IQSEC3: variants seen among roughly 807,000 people sequenced by gnomAD.
The protein encoded by IQSEC3 is IQ motif and Sec7 domain ArfGEF 3.
In IQSEC3, 50 loss-of-function variants were observed where a neutral mutation model predicts 105.4. The ratio of observed to expected loss-of-function variants is 0.47; its 90% CI spans 0.38 to 0.60. The LOEUF (loss-of-function observed/expected upper bound fraction) is 0.60, where lower values mean the gene tolerates loss of function less well. Ranked by LOEUF, IQSEC3 falls within the 20% of genes least tolerant of loss-of-function variation. IQSEC3 has a pLI of 0.00. For missense variants in IQSEC3, 1,415 were observed against 1,630.0 expected (o/e 0.87, Z 2.27); for synonymous variants, 708 against 746.0 (o/e 0.95, Z 0.83).
At chr12:103,687 GTAGGTGGGGGCTCA>G (rs1565397390) in intron 2 of IQSEC3, among the ~76,000 whole-genome samples, 7 of 32,178 alleles carry the variant, frequency 2.2e-4, no homozygotes, top group Non-Finnish European at 2.8e-4. Context: ...GGGCTCAGGG[GTAGGTGGGGGCTCA>G]GGAGGGGAGG....
At chr12:156,366 C>T (rs1866685224) in intron 5 of IQSEC3, among the ~76,000 whole-genome samples, 1 of 152,170 alleles carries the variant, frequency 6.6e-6, no homozygotes, top group African/African-American at 2.4e-5. Flanking sequence ...AGAATCTGAC[C>T]CTGCGTGTCA....
At chr12:119,878 G>A (rs1469073725) in intron 2 of IQSEC3, among the ~76,000 whole-genome samples, 1 of 152,188 alleles carries the variant, frequency 6.6e-6, no homozygotes, top group Non-Finnish European at 1.5e-5. Flanking sequence ...ACAGCTAAAG[G>A]CACTCTCCAC....
At chr12:161,882 C>G in intron 7 of IQSEC3, 44 bp from the exon 8 acceptor site, 1 of 1,471,428 alleles carries the variant, frequency 6.8e-7, no homozygotes, top group Non-Finnish European at 9.2e-7. Flanking sequence ...CTGACACCCT[C>G]CCTCCCAACC....
At position 152,588 on chromosome 12, in the gene IQSEC3, C is replaced by T. The variant is rs1730965613; in HGVS notation, c.2154-4437C>T. ...TAATGGTACAATGGTTCATATTGCA[C>T]AAGCTTGAGAAGATGAGGTCATTGC... On this transcript the variant is annotated intron_variant, in intron 5 of 13. Coordinates refer to ENST00000538872, the MANE Select transcript of IQSEC3 (RefSeq NM_001170738.2). This position sits in a 1 kb window ranked among gnomAD's most constrained non-coding sequence, Gnocchi z 4.8. Among the ~76,000 whole-genome samples, 2 of 152,164 alleles carry T rather than the reference C, an allele frequency of 1.3e-5. No individual in the cohort carries two copies. Among genetic ancestry groups the T allele is most frequent in the African/African-American group, 4.8e-5 (2 of 41,434 alleles).
At chr12:168,267 T>TA (rs1412069648) in intron 11 of IQSEC3, among the ~76,000 whole-genome samples, 6 of 152,148 alleles carry the variant, frequency 3.9e-5, no homozygotes, top group Non-Finnish European at 2.9e-5. Flanking sequence ...TGAGAGGAAT[T>TA]AAAGTTGAGT....
At chr12:170,791 G>A (rs1377744151) in intron 12 of IQSEC3, among the ~76,000 whole-genome samples, 6 of 152,240 alleles carry the variant, frequency 3.9e-5, no homozygotes, top group Admixed American at 2.6e-4. Flanking sequence ...GCTGATGAAC[G>A]TGGCGCCCAC....
Position 120,365 on chromosome 12 carries a change from C to T in IQSEC3, c.624-5268C>T, listed in dbSNP as rs868958260. 6.6e-5 allele frequency among the ~76,000 whole-genome samples: 10 copies of T among 151,854 alleles called. No homozygotes were observed. In the South Asian group the frequency reaches 1.3e-3, roughly 19 times the overall value. On this transcript the variant is annotated intron_variant, in intron 2 of 13. Coordinates refer to ENST00000538872, the MANE Select transcript of IQSEC3 (RefSeq NM_001170738.2). ...GATCTGGCAAAAGTATCAGTGTGGA[C>T]GGAGTGGACAGGTCACTCGGTGGGG...
chr12:165,923 G>T, intron 11 of IQSEC3, 33 bp downstream of exon 11: 1 of 1,604,698 alleles, frequency 6.2e-7, no homozygotes, highest in South Asian at 1.1e-5. Context: ...CAGCTGGTGG[G>T]GGTTCCCATT....
chr12:142,242 G>T (rs1866061022), intron 5 of IQSEC3: 1 of 152,258 alleles, frequency 6.6e-6, no homozygotes, highest in African/African-American at 2.4e-5. Context: ...GCCAGAGAGG[G>T]TTTGGACGCT....
chr12:93,725 C>A (rs1238770481), intron 1 of IQSEC3, among the ~76,000 whole-genome samples: 2 of 152,170 alleles, frequency 1.3e-5, no homozygotes, highest in African/African-American at 2.4e-5. Context: ...GAAATTCAGT[C>A]CCAGAGTTGG....
intron 2 of IQSEC3, among the ~76,000 whole-genome samples, chr12:120,056 T>G (rs917337315): frequency 6.6e-6 from 1 of 152,204 alleles, no homozygotes; most frequent in African/African-American, 2.4e-5. Flanking sequence ...ACACATCTTA[T>G]GAGCCAACCA....
chr12:163,059 G>C (rs1475360672), intron 8 of IQSEC3, among the ~76,000 whole-genome samples: 1 of 152,052 alleles, frequency 6.6e-6, no homozygotes, highest in African/African-American at 2.4e-5. Context: ...GGGACAGGGG[G>C]TGAACGTGCG....
intron 9 of IQSEC3, 188 bp from the exon 10 acceptor site, chr12:165,246 G>A: frequency 1.6e-6 from 1 of 612,438 alleles, no homozygotes; most frequent in South Asian, 1.9e-5. Context: ...AATAACCACT[G>A]TAGGGTTTTG....
rs1329531368 is a variant in IQSEC3 at position 152,208 on chromosome 12, G to A, written c.2154-4817G>A. Reference sequence around the variant, plus strand: ...GGGGAAGGCAGGAGGTCAGCGATATGGACCCTGCTGTGGGCTCCAGGTGCC... The same window carrying A: ...GGGGAAGGCAGGAGGTCAGCGATATAGACCCTGCTGTGGGCTCCAGGTGCC... On this transcript the variant is annotated intron_variant, in intron 5 of 13. Transcript: ENST00000538872. This position sits in a 1 kb window ranked among gnomAD's most constrained non-coding sequence, Gnocchi z 4.8. Among the ~76,000 whole-genome samples the A allele has an allele frequency of 6.6e-6, 1 of 152,220 alleles. No homozygotes were observed. Among genetic ancestry groups the A allele is most frequent in the Non-Finnish European group, 1.5e-5 (1 of 68,036 alleles).
rs1555096423 is a variant in IQSEC3 at position 162,048 on chromosome 12, A to G, written c.2566A>G (p.Ile856Val). ...GTACGTCACCAAGGTGGAGAAGTCC[A>G]TTGTGGGCATGAAGACAGTGAGTGT... ...VTYVTKVEKSIVGMKTVLSVP... is the reference protein window; with the variant it reads ...VTYVTKVEKSVVGMKTVLSVP... Residue 856 changes from isoleucine to valine, a missense_variant, in exon 8 of 14, where the codon ATT becomes GTT. Transcript: ENST00000538872. 1 of 1,613,716 alleles carries G rather than the reference A, an allele frequency of 6.2e-7. No individual in the cohort carries two copies. The highest frequency in any genetic ancestry group is 1.3e-5 in the African/African-American group (1 of 75,014).
chr12:123,294 C>T (rs140771605), intron 2 of IQSEC3, among the ~76,000 whole-genome samples: 16 of 152,006 alleles, frequency 1.1e-4, no homozygotes, highest in African/African-American at 3.1e-4. Context: ...ACCTGTAGCC[C>T]GGTGTGGTGG....
rs74593672 is a variant in IQSEC3, at chr12:89,684, G to A, written c.555-9462G>A. ...TCTTTTCTAGAATATTATATAAGTG[G>A]AATCATACAATATGGAGTCTTTTGT... On this transcript the variant is annotated intron_variant, in intron 1 of 13. Coordinates refer to ENST00000538872, the MANE Select transcript of IQSEC3 (RefSeq NM_001170738.2). 8.5e-3 allele frequency among the ~76,000 whole-genome samples: 1,293 copies of A among 152,194 alleles called. 9 individuals carry two copies. The highest frequency in any genetic ancestry group is 0.027 in the East Asian group (140 of 5,184).
chr12:122,231 G>A (rs539690716), intron 2 of IQSEC3, among the ~76,000 whole-genome samples: 1 of 152,164 alleles, frequency 6.6e-6, no homozygotes, highest in African/African-American at 2.4e-5. Flanking sequence ...GGGCCAGTGG[G>A]CCTTGATAGG....
intron 5 of IQSEC3, chr12:143,736 A>T (rs1489697031): frequency 5.7e-6 from 1 of 175,056 alleles, no homozygotes; most frequent in East Asian, 1.9e-4. Flanking sequence ...GCCAGGGTTC[A>T]TGGGGGAATG....
Sources: allele counts gnomAD v4.1 joint callset (sites outside exome capture counted in the v4.1 genomes callset), GRCh38; gene constraint gnomAD v4.1.1; non-coding constraint Gnocchi (gnomAD v3.1); transcripts MANE v1.5; gene names NCBI Gene and HGNC (gene_info 2026-07-23, HGNC 2026-07-21).